Variants in ZDHHC17 observed in about 807,000 individuals in gnomAD.
ZDHHC17 encodes the protein zDHHC palmitoyltransferase 17, also known as palmitoyltransferase ZDHHC17.
Under a neutral mutation model 90.3 loss-of-function variants are expected in ZDHHC17, and 40 were observed. The ratio of observed to expected loss-of-function variants is 0.44; its 90% confidence interval spans 0.34 to 0.58. ZDHHC17 has a LOEUF of 0.58. ZDHHC17 is among the 20% of genes least tolerant of loss of function. The pLI is 0.01. For synonymous variants in ZDHHC17, 235 were observed against 252.4 expected (o/e 0.93, Z 0.65); for missense variants, 614 against 780.8 (o/e 0.79, Z 2.55).
At chr12:76,777,403 T>C (rs1239879042) in intron 1 of ZDHHC17, among the ~76,000 whole-genome samples, 1 of 152,224 alleles carries the variant, frequency 6.6e-6, no homozygotes, top group Non-Finnish European at 1.5e-5. Context: ...TCCCACAGTA[T>C]GGATGTACCG....
At chr12:76,824,138 G>T (rs1953202405) in intron 8 of ZDHHC17, among the ~76,000 whole-genome samples, 1 of 151,964 alleles carries the variant, frequency 6.6e-6, no homozygotes, top group Non-Finnish European at 1.5e-5. Flanking sequence ...AATTTTAGAT[G>T]TTGCATTAAT....
intron 9 of ZDHHC17, among the ~76,000 whole-genome samples, chr12:76,827,548 C>T (rs575248942): frequency 1.4e-4 from 22 of 152,110 alleles, no homozygotes; most frequent in Non-Finnish European, 2.5e-4. Flanking sequence ...ATGATCATTC[C>T]GTTTTCTTCT....
chr12:76,826,357 C>G (rs1260764468), intron 8 of ZDHHC17, among the ~76,000 whole-genome samples: 1 of 152,226 alleles, frequency 6.6e-6, no homozygotes, highest in Non-Finnish European at 1.5e-5. Context: ...ATTGAGCACT[C>G]TGCCTTGATC....
chr12:76,772,597 C>A (rs1047531394), intron 1 of ZDHHC17, among the ~76,000 whole-genome samples: 3 of 131,010 alleles, frequency 2.3e-5, no homozygotes, highest in African/African-American at 8.6e-5. Flanking sequence ...TGCAGTGATA[C>A]AATCTCAGCT....
intron 10 of ZDHHC17, chr12:76,840,041 C>CTG (rs1953413843): frequency 6.6e-6 from 1 of 152,166 alleles, no homozygotes; most frequent in Non-Finnish European, 1.5e-5. Flanking sequence ...AGTGTAGCTT[C>CTG]TGCTTCAGTC....
intron 10 of ZDHHC17, among the ~76,000 whole-genome samples, chr12:76,830,523 G>A (rs1042967909): frequency 2.6e-5 from 4 of 151,966 alleles, no homozygotes; most frequent in African/African-American, 9.7e-5. Context: ...ATTATACTTT[G>A]ACTTAAAAAT....
intron 10 of ZDHHC17, among the ~76,000 whole-genome samples, chr12:76,831,819 G>A (rs952696614): frequency 3.9e-5 from 6 of 152,012 alleles, no homozygotes; most frequent in African/African-American, 1.2e-4. Flanking sequence ...GCTAATTTGC[G>A]TATTTTTGTA....
intron 2 of ZDHHC17, among the ~76,000 whole-genome samples, chr12:76,800,601 G>A (rs1180983226): frequency 6.6e-6 from 1 of 152,110 alleles, no homozygotes; most frequent in Non-Finnish European, 1.5e-5. Flanking sequence ...AATATGTAAT[G>A]TCTTTGTCTT....
At chr12:76,765,100 G>A (rs1459667861) in intron 1 of ZDHHC17, among the ~76,000 whole-genome samples, 1 of 152,146 alleles carries the variant, frequency 6.6e-6, no homozygotes, top group African/African-American at 2.4e-5. Context: ...GTTAAGGCTT[G>A]GAAGCAATTC....
intron 1 of ZDHHC17, among the ~76,000 whole-genome samples, chr12:76,786,886 G>A (rs1188154581): frequency 6.6e-6 from 1 of 152,162 alleles, no homozygotes; most frequent in Non-Finnish European, 1.5e-5. Context: ...TGAACTAGAT[G>A]CCTAAATGTC....
At chr12:76,826,404 T>C (rs1289462216) in intron 8 of ZDHHC17, among the ~76,000 whole-genome samples, 1 of 152,234 alleles carries the variant, frequency 6.6e-6, no homozygotes, top group Non-Finnish European at 1.5e-5. Flanking sequence ...CAGTGAACTC[T>C]AGGAGCCTAT....
At chr12:76,811,738 C>A (rs1953024785) in intron 5 of ZDHHC17, among the ~76,000 whole-genome samples, 1 of 23,660 alleles carries the variant, frequency 4.2e-5, no homozygotes, top group Non-Finnish European at 9.6e-5. Context: ...TGGCCATCTG[C>A]TGACTGAGGT....
chr12:76,777,670 C>T (rs1229217589), intron 1 of ZDHHC17, among the ~76,000 whole-genome samples: 1 of 152,196 alleles, frequency 6.6e-6, no homozygotes, highest in Non-Finnish European at 1.5e-5. Context: ...GGGAGAGCTG[C>T]ATCCTCACCA....
intron 10 of ZDHHC17, among the ~76,000 whole-genome samples, chr12:76,838,496 C>T (rs763382191): frequency 2.6e-5 from 4 of 152,114 alleles, no homozygotes; most frequent in Middle Eastern, 3.2e-3. Flanking sequence ...TTCAGTGTTA[C>T]AGTTTGGCTA....
chr12:76,809,161 A>T, intron 4 of ZDHHC17, 41 bp downstream of exon 4: 1 of 1,404,042 alleles, frequency 7.1e-7, no homozygotes, highest in Admixed American at 2.4e-5. Context: ...TGGTTCCTTT[A>T]TTAGTATATA....
intron 3 of ZDHHC17, 114 bp downstream of exon 3, chr12:76,805,553 A>G (rs1304623423): frequency 1.0e-5 from 10 of 978,936 alleles, no homozygotes; most frequent in South Asian, 3.9e-5. Flanking sequence ...CTTTTAGAAG[A>G]TAGATTCTGT....
chr12:76,789,057 T>G (rs750930885), intron 1 of ZDHHC17, among the ~76,000 whole-genome samples: 3 of 152,164 alleles, frequency 2.0e-5, no homozygotes, highest in Non-Finnish European at 2.9e-5. Flanking sequence ...CCAGTGAGTT[T>G]ATGGAGAAAT....
At chr12:76,776,084 G>A (rs772244912) in intron 1 of ZDHHC17, among the ~76,000 whole-genome samples, 5 of 151,614 alleles carry the variant, frequency 3.3e-5, no homozygotes, top group South Asian at 2.1e-4. Context: ...AATAATTGAT[G>A]TAATCAAGTC....
At chr12:76,766,747 C>G (rs1022163313) in intron 1 of ZDHHC17, among the ~76,000 whole-genome samples, 2 of 151,926 alleles carry the variant, frequency 1.3e-5, no homozygotes, top group African/African-American at 4.8e-5. Flanking sequence ...TGGCTGGGCT[C>G]GGAGGCTCAC....
Sources: gnomAD v4.1 joint callset for allele counts (sites outside exome capture counted in the v4.1 genomes callset) on GRCh38, gnomAD v4.1.1 for gene constraint, MANE v1.5 for transcripts, NCBI Gene and HGNC (gene_info 2026-07-23, HGNC 2026-07-21) for gene names.